The following ABCC4 variants were observed in gnomAD, a reference collection of about 807,000 sequenced individuals.
ABCC4 encodes ATP binding cassette subfamily C member 4 (PEL blood group).
ABCC4 carries 102 observed loss-of-function variants against 168.5 expected under a neutral mutation model. The ratio of observed to expected loss-of-function variants is 0.61; its 90% CI spans 0.52 to 0.71. ABCC4 has a LOEUF of 0.71. Ranked by LOEUF, ABCC4 falls within the 30% of genes least tolerant of loss-of-function variation. ABCC4 has a pLI of 0.00. For missense variants in ABCC4, 1,402 were observed against 1,605.8 expected (o/e 0.87, Z 2.17); for synonymous variants, 617 against 590.7 (o/e 1.04, Z -0.65).
chr13:95,185,942 A>G (rs2038044404), intron 11 of ABCC4, among the ~76,000 whole-genome samples: 1 of 152,000 alleles, frequency 6.6e-6, no homozygotes, highest in Non-Finnish European at 1.5e-5. Flanking sequence ...GTAACCAAAA[A>G]CCACCCGTAC....
intron 3 of ABCC4, among the ~76,000 whole-genome samples, chr13:95,240,168 A>G (rs910954736): frequency 1.3e-5 from 2 of 152,222 alleles, no homozygotes. Flanking sequence ...GGGTCACAAG[A>G]GGGGAGGAGG....
intron 1 of ABCC4, among the ~76,000 whole-genome samples, chr13:95,262,005 G>A (rs1446969536): frequency 6.6e-6 from 1 of 152,164 alleles, no homozygotes; most frequent in African/African-American, 2.4e-5. Flanking sequence ...TCTGGAGGCT[G>A]AGGTAGGAGG....
chr13:95,176,684 G>A (rs1466053884), intron 13 of ABCC4, among the ~76,000 whole-genome samples: 1 of 152,120 alleles, frequency 6.6e-6, no homozygotes, highest in African/African-American at 2.4e-5. Flanking sequence ...GTGGCTGACT[G>A]CCCTCCTCTG....
rs762607666 is a variant in ABCC4 at position 95,234,608 on chromosome 13, A to G, written c.531+2T>C. 6.2e-7 allele frequency: 1 copy of G among 1,611,694 alleles called. No homozygotes were observed. Among genetic ancestry groups the G allele is most frequent in the South Asian group, 1.1e-5 (1 of 91,034 alleles). Reference sequence around the variant, plus strand: ...ACATGTTTAATGCTGAATGTCACTTACCTTCCGATAAATCATATGGCACAT... The same window carrying G: ...ACATGTTTAATGCTGAATGTCACTTGCCTTCCGATAAATCATATGGCACAT... On this transcript the variant is annotated splice_donor_variant, in intron 4 of 30. Coordinates refer to ENST00000645237, the MANE Select transcript of ABCC4 (RefSeq NM_005845.5). LOFTEE classifies it high-confidence loss of function.
chr13:95,043,868 G>T, intron 28 of ABCC4, 81 bp from the exon 29 acceptor site: 1 of 890,078 alleles, frequency 1.1e-6, no homozygotes, highest in Non-Finnish European at 1.8e-6. Flanking sequence ...CTTCACAATA[G>T]AGATTTAAAA....
chr13:95,187,104 A>G (rs1283617821), intron 10 of ABCC4, among the ~76,000 whole-genome samples: 1 of 152,200 alleles, frequency 6.6e-6, no homozygotes, highest in Non-Finnish European at 1.5e-5. Flanking sequence ...GAGTGTAACA[A>G]TCTACTCTGC....
intron 19 of ABCC4, among the ~76,000 whole-genome samples, chr13:95,125,378 T>G (rs565726814): frequency 1.3e-5 from 2 of 152,334 alleles, no homozygotes; most frequent in Admixed American, 1.3e-4. Context: ...CCTGCTGTAC[T>G]GGATGGTAAA....
intron 13 of ABCC4, among the ~76,000 whole-genome samples, chr13:95,175,382 G>A (rs547154361): frequency 2.6e-5 from 4 of 152,028 alleles, no homozygotes; most frequent in East Asian, 1.9e-4. Flanking sequence ...GCGCTATCTC[G>A]GCTCACTGCA....
At chr13:95,256,991 A>G (rs1349944593) in intron 1 of ABCC4, among the ~76,000 whole-genome samples, 1 of 152,194 alleles carries the variant, frequency 6.6e-6, no homozygotes, top group African/African-American at 2.4e-5. Context: ...CACAGAGAAT[A>G]ATATACAATT....
intron 27 of ABCC4, among the ~76,000 whole-genome samples, chr13:95,045,574 T>C (rs2032542425): frequency 6.6e-6 from 1 of 152,112 alleles, no homozygotes; most frequent in Non-Finnish European, 1.5e-5. Flanking sequence ...ACGACGGGGA[T>C]AGATGATGTT....
At chr13:95,159,266 T>C (rs953535950) in intron 19 of ABCC4, among the ~76,000 whole-genome samples, 1 of 151,580 alleles carries the variant, frequency 6.6e-6, no homozygotes, top group Non-Finnish European at 1.5e-5. Context: ...TAAAAAACTT[T>C]TAATTTTTAC....
rs533108518 is a variant in ABCC4 at position 95,221,773 on chromosome 13, A to G, written c.532-10992T>C. On this transcript the variant is annotated intron_variant, in intron 4 of 30. Coordinates refer to ENST00000645237, the MANE Select transcript of ABCC4 (RefSeq NM_005845.5). ...AAAAGGAAAAAACAGAAAAAAAACT[A>G]AAATTTAAAAACTGAATTAATATTT... 9.8e-5 allele frequency among the ~76,000 whole-genome samples: 15 copies of G among 152,330 alleles called. No homozygotes were observed. The East Asian group carries it at 2.3e-3, about 23-fold the overall frequency.
intron 11 of ABCC4, among the ~76,000 whole-genome samples, chr13:95,181,737 T>C (rs1227509369): frequency 2.0e-5 from 3 of 152,204 alleles, no homozygotes; most frequent in African/African-American, 7.2e-5. Context: ...GTAACTGGAC[T>C]GAGGACTCTC....
rs550333096 is a variant in ABCC4, at chr13:95,235,623, G to A, written c.307-789C>T. Among the ~76,000 whole-genome samples the A allele has an allele frequency of 2.0e-5, 3 of 152,266 alleles. No homozygotes were observed. In the South Asian group the frequency reaches 6.2e-4, roughly 32 times the overall value. Reference sequence around the variant, plus strand: ...GAATGGAGATATTGGCACAAACCCAGATCAGAAAATCAAACTCTCCAATTT... The same window carrying A: ...GAATGGAGATATTGGCACAAACCCAAATCAGAAAATCAAACTCTCCAATTT... On this transcript the variant is annotated intron_variant, in intron 3 of 30. Transcript: ENST00000645237.
intron 26 of ABCC4, among the ~76,000 whole-genome samples, chr13:95,060,489 T>C (rs1056877711): frequency 3.3e-5 from 5 of 152,214 alleles, no homozygotes; most frequent in Non-Finnish European, 5.9e-5. Context: ...CTAGAACCTT[T>C]CATCCAAGGA....
intron 8 of ABCC4, among the ~76,000 whole-genome samples, chr13:95,199,508 AG>A (rs1566518887): frequency 1.3e-5 from 2 of 152,208 alleles, no homozygotes; most frequent in African/African-American, 4.8e-5. Flanking sequence ...CTGGTCTTCT[AG>A]TATTCCATAT....
Position 95,074,251 on chromosome 13 carries a change from G to C in ABCC4, c.2880C>G (p.Val960=). ...TCAGGGACCCAAAGGCAACGATGATGACAAACATGGCACAGATGGCATCCA... is the reference window on the plus strand; with the variant it reads ...TCAGGGACCCAAAGGCAACGATGATCACAAACATGGCACAGATGGCATCCA... The part of the protein sequence containing the change: ...VRLDAICAMF[V]IIVAFGSLIL... The change falls in exon 23 of 31, where the codon GTC becomes GTG. Residue 960 remains valine, a synonymous_variant. Coordinates refer to ENST00000645237, the MANE Select transcript of ABCC4 (RefSeq NM_005845.5). The C allele has an allele frequency of 1.2e-6, 2 of 1,614,038 alleles. No individual in the cohort carries two copies. Among genetic ancestry groups the C allele is most frequent in the Middle Eastern group, 1.7e-4 (1 of 6,058 alleles).
intron 19 of ABCC4, among the ~76,000 whole-genome samples, chr13:95,155,212 C>CTT (rs532277887): frequency 5.5e-5 from 8 of 145,128 alleles, no homozygotes; most frequent in Middle Eastern, 3.6e-3. Flanking sequence ...AGGAATCATT[C>CTT]TTTTTTTTTT....
rs868675620 is a variant in ABCC4 at position 95,283,888 on chromosome 13, A to C, written c.74+17353T>G. Among the ~76,000 whole-genome samples, 47 of 141,830 alleles carry C rather than the reference A, an allele frequency of 3.3e-4. No homozygotes were observed. The Middle Eastern group carries it at 0.018, about 54-fold the overall frequency. The allele number at this position is 141,830 out of a possible 152,430, so 93.0% of individuals were successfully genotyped here. A position where few individuals can be genotyped will look rare whatever the true frequency, so the allele number is the denominator to read the frequency against. On this transcript the variant is annotated intron_variant, in intron 1 of 30. Coordinates refer to ENST00000645237, the MANE Select transcript of ABCC4 (RefSeq NM_005845.5). Reference sequence around the variant, plus strand: ...ACTCCAGCCTGGGCAACAAGAGCGAAACTCCGTCTCAAAAAAAAAAAAAGA... The same window carrying C: ...ACTCCAGCCTGGGCAACAAGAGCGACACTCCGTCTCAAAAAAAAAAAAAGA...
Sources: allele counts gnomAD v4.1 joint callset (sites outside exome capture counted in the v4.1 genomes callset), GRCh38; gene constraint gnomAD v4.1.1; transcripts MANE v1.5; gene names NCBI Gene and HGNC (gene_info 2026-07-23, HGNC 2026-07-21).